FGF14: variants seen among roughly 807,000 people sequenced by gnomAD.
FGF14 encodes the protein fibroblast growth factor 14.
In FGF14, 5 loss-of-function variants were observed where a neutral mutation model predicts 25.5. The ratio of observed to expected loss-of-function variants is 0.20; its 90% CI spans 0.10 to 0.41. The LOEUF (loss-of-function observed/expected upper bound fraction) is 0.41. Ranked by LOEUF, FGF14 falls within the 10% of genes least tolerant of loss-of-function variation. The probability of loss-of-function intolerance (pLI) is 1.00; values close to 1 mark genes in which losing one functional copy is unlikely to be tolerated. For synonymous variants in FGF14, 138 were observed against 118.3 expected, an observed-to-expected ratio of 1.17 and a Z score of -1.08; for missense variants, 222 against 320.1, an observed-to-expected ratio of 0.69 and a Z score of 2.34.
At chr13:102,393,682 A>T (rs745374426) in intron 1 of FGF14, 1 of 152,218 alleles carries the variant, frequency 6.6e-6, no homozygotes, top group Non-Finnish European at 1.5e-5. Flanking sequence ...ACACAATTCT[A>T]TGAAGCGCAT....
At chr13:101,863,641 A>G (rs540702877) in intron 3 of FGF14, among the ~76,000 whole-genome samples, 2 of 152,204 alleles carry the variant, frequency 1.3e-5, no homozygotes, top group South Asian at 4.1e-4. Context: ...AGGGACATGT[A>G]TGTCTTTGGG....
chr13:102,041,527 T>TAAA (rs34550413), intron 1 of FGF14, among the ~76,000 whole-genome samples: 35 of 123,908 alleles, frequency 2.8e-4, no homozygotes, highest in Non-Finnish European at 4.1e-4. Flanking sequence ...GTGAATTCCT[T>TAAA]AAAAAAAAAA....
intron 1 of FGF14, among the ~76,000 whole-genome samples, chr13:102,018,122 A>C (rs2040442381): frequency 6.6e-6 from 1 of 152,122 alleles, no homozygotes; most frequent in Non-Finnish European, 1.5e-5. Flanking sequence ...ACTCCTGTTG[A>C]AATACTCAAA....
At chr13:102,331,408 T>G (rs141397304) in intron 1 of FGF14, among the ~76,000 whole-genome samples, 20 of 152,298 alleles carry the variant, frequency 1.3e-4, no homozygotes, top group African/African-American at 4.8e-4. Flanking sequence ...CATCATCAGC[T>G]TGCATGTATT....
chr13:101,840,010 A>G (rs992691161), intron 3 of FGF14, among the ~76,000 whole-genome samples: 2 of 151,922 alleles, frequency 1.3e-5, no homozygotes, highest in African/African-American at 4.8e-5. Flanking sequence ...TTTAATAAAT[A>G]CTTGTGATTT....
At chr13:102,025,257 T>C (rs145708258) in intron 1 of FGF14, among the ~76,000 whole-genome samples, 1,637 of 152,054 alleles carry the variant, frequency 0.011, 71 homozygotes, top group Admixed American at 0.077. Flanking sequence ...GAATTATGAA[T>C]TGAATTGAAA....
intron 1 of FGF14, among the ~76,000 whole-genome samples, chr13:102,295,156 C>T (rs1566910877): frequency 6.6e-6 from 1 of 152,132 alleles, no homozygotes; most frequent in African/African-American, 2.4e-5. Context: ...GGTTCTTCAT[C>T]ATTATGATTA....
At chr13:101,744,117 C>T (rs1245304966) in intron 3 of FGF14, among the ~76,000 whole-genome samples, 1 of 152,134 alleles carries the variant, frequency 6.6e-6, no homozygotes, top group African/African-American at 2.4e-5. Context: ...ACCTTTGTAT[C>T]TTACTAAGGT....
intron 1 of FGF14, among the ~76,000 whole-genome samples, chr13:102,103,403 G>A (rs1346976708): frequency 4.6e-5 from 7 of 151,982 alleles, no homozygotes; most frequent in South Asian, 2.1e-4. Flanking sequence ...AAACCAAGGC[G>A]ATGGTACTCT....
chr13:101,761,760 A>G (rs951052551), intron 3 of FGF14, among the ~76,000 whole-genome samples: 9 of 152,206 alleles, frequency 5.9e-5, no homozygotes, highest in African/African-American at 1.9e-4. Context: ...TGATTTGTCA[A>G]TTAAAAAATT....
intron 1 of FGF14, among the ~76,000 whole-genome samples, chr13:102,325,929 C>G (rs893741902): frequency 6.6e-6 from 1 of 152,092 alleles, no homozygotes; most frequent in Non-Finnish European, 1.5e-5. Flanking sequence ...ATCCTAAATA[C>G]CTATAATTTT....
intron 1 of FGF14, among the ~76,000 whole-genome samples, chr13:101,884,876 C>T (rs1024951609): frequency 6.6e-6 from 1 of 151,988 alleles, no homozygotes; most frequent in South Asian, 2.1e-4. Context: ...CATACACACA[C>T]ACACACACAC....
chr13:101,799,947 A>T (rs1243161608), intron 3 of FGF14, among the ~76,000 whole-genome samples: 1 of 152,190 alleles, frequency 6.6e-6, no homozygotes, highest in East Asian at 1.9e-4. Flanking sequence ...GGATTTTATC[A>T]GACTTAGTGC....
intron 1 of FGF14, among the ~76,000 whole-genome samples, chr13:102,225,715 A>G (rs2050798119): frequency 6.6e-6 from 1 of 152,238 alleles, no homozygotes; most frequent in Admixed American, 6.5e-5. Context: ...TCAGCTCTGC[A>G]AAATATATCT....
intron 1 of FGF14, among the ~76,000 whole-genome samples, chr13:102,389,488 T>C (rs895903636): frequency 1.3e-5 from 2 of 152,196 alleles, no homozygotes; most frequent in Admixed American, 6.5e-5. Flanking sequence ...ATGAGAATTT[T>C]CTCATGGCAT....
chr13:101,952,891 G>A (rs2036262164), intron 1 of FGF14, among the ~76,000 whole-genome samples: 1 of 152,082 alleles, frequency 6.6e-6, no homozygotes, highest in South Asian at 2.1e-4. Flanking sequence ...AAAATTAGCT[G>A]GGCATGGTGG....
At chr13:102,346,419 C>G (rs1399233456) in intron 1 of FGF14, among the ~76,000 whole-genome samples, 2 of 151,702 alleles carry the variant, frequency 1.3e-5, no homozygotes, top group African/African-American at 4.8e-5. Flanking sequence ...AATTAGTAAG[C>G]AATGGGATGT....
At chr13:102,207,791 T>G (rs2049997338) in intron 1 of FGF14, among the ~76,000 whole-genome samples, 1 of 152,272 alleles carries the variant, frequency 6.6e-6, no homozygotes, top group Non-Finnish European at 1.5e-5. Context: ...TGCATTTTTC[T>G]AATTACAATA....
At chr13:102,348,495 T>C (rs1002802831) in intron 1 of FGF14, among the ~76,000 whole-genome samples, 4 of 152,130 alleles carry the variant, frequency 2.6e-5, no homozygotes, top group Non-Finnish European at 5.9e-5. Context: ...AAGTGAGCAA[T>C]GCCAAGATGA....
Sources: gnomAD v4.1 joint callset for allele counts (sites outside exome capture counted in the v4.1 genomes callset) on GRCh38, gnomAD v4.1.1 for gene constraint, MANE v1.5 for transcripts, NCBI Gene and HGNC (gene_info 2026-07-23, HGNC 2026-07-21) for gene names.